Variants in ESRRB observed in about 807,000 individuals in gnomAD.
ESRRB encodes the protein steroid hormone receptor ERR2.
ESRRB carries 16 observed loss-of-function variants against 46.0 expected under a neutral mutation model. That is an observed-to-expected ratio of 0.35 (90% confidence interval 0.24 to 0.53). ESRRB has a LOEUF of 0.53. Ranked by LOEUF, ESRRB falls within the 20% of genes least tolerant of loss-of-function variation. ESRRB has a pLI of 0.93. For synonymous variants in ESRRB, 246 were observed against 259.6 expected (o/e 0.95, Z 0.50); for missense variants, 488 against 607.4 (o/e 0.80, Z 2.07).
intron 2 of ESRRB, 47 bp from the exon 3 acceptor site, chr14:76,462,498 G>A (rs1888909836): frequency 1.4e-6 from 2 of 1,460,554 alleles, no homozygotes; most frequent in Non-Finnish European, 9.6e-7. Context: ...GCAGGTGGGG[G>A]CCCTGGGCGG....
chr14:76,380,545 A>G (rs1426263488), intron 1 of ESRRB, among the ~76,000 whole-genome samples: 1 of 152,110 alleles, frequency 6.6e-6, no homozygotes, highest in Non-Finnish European at 1.5e-5. Flanking sequence ...CCCACACCAC[A>G]CCTTGACTGC....
Position 76,482,782 on chromosome 14 carries a change from G to T in ESRRB, c.850+23G>T, listed in dbSNP as rs373936212. 1 of 1,613,402 alleles carries T rather than the reference G, an allele frequency of 6.2e-7. No homozygotes were observed. Among genetic ancestry groups the T allele is most frequent in the African/African-American group, 1.3e-5 (1 of 75,012 alleles). On this transcript the variant is annotated intron_variant, in intron 5 of 6. Coordinates refer to ENST00000644823, the MANE Select transcript of ESRRB (RefSeq NM_001379180.1). The surrounding 1 kb of genome is among the most constrained non-coding windows in gnomAD (Gnocchi z 4.3). Reference sequence around the variant, plus strand: ...CAGGTGAGCATGTGGGACCAGGGGAGAGTGTGGCCAGGGACTCTCAGCCGG... The same window carrying T: ...CAGGTGAGCATGTGGGACCAGGGGATAGTGTGGCCAGGGACTCTCAGCCGG...
intron 1 of ESRRB, among the ~76,000 whole-genome samples, chr14:76,379,493 G>A (rs1481016380): frequency 6.6e-6 from 1 of 152,196 alleles, no homozygotes; most frequent in Admixed American, 6.5e-5. Context: ...AACAAAGGGG[G>A]AAATTAATTT....
chr14:76,357,904 A>G (rs1471730854), intron 1 of ESRRB, among the ~76,000 whole-genome samples: 1 of 152,200 alleles, frequency 6.6e-6, no homozygotes, highest in Non-Finnish European at 1.5e-5. Context: ...TACATAAAAT[A>G]TATGTGCAGA....
chr14:76,471,364 A>G (rs1029643667), intron 3 of ESRRB, among the ~76,000 whole-genome samples: 1 of 152,248 alleles, frequency 6.6e-6, no homozygotes, highest in Admixed American at 6.5e-5. Flanking sequence ...AGATTCTGTC[A>G]TTTTGCTTTA....
At chr14:76,336,916 C>A (rs1011879010) in intron 1 of ESRRB, among the ~76,000 whole-genome samples, 3 of 152,066 alleles carry the variant, frequency 2.0e-5, no homozygotes, top group African/African-American at 7.2e-5. Context: ...ATTAAACAGG[C>A]AAGTGCCGTA....
chr14:76,500,584 C>A lies in ESRRB; in HGVS notation c.*2126C>A. ...CCCTCAGTCTCTCACTGTGCTGTGT[C>A]CTTGCAGCGGGGCCGAGGTAGCACC... On this transcript the variant is annotated 3_prime_UTR_variant, in exon 7 of 7. Transcript: ENST00000644823. 9.5e-7 allele frequency: 1 copy of A among 1,048,322 alleles called. No individual in the cohort carries two copies. The allele number at this position is 1,048,322 out of a possible 1,614,324, so 64.9% of individuals were successfully genotyped here. A position where few individuals can be genotyped will look rare whatever the true frequency, so the allele number is the denominator to read the frequency against.
upstream of ESRRB, among the ~76,000 whole-genome samples, chr14:76,369,565 C>A (rs559296063): frequency 6.6e-6 from 1 of 152,150 alleles, no homozygotes; most frequent in Non-Finnish European, 1.5e-5. Flanking sequence ...CGAGCCACCA[C>A]GCCCGGCCTC....
intron 1 of ESRRB, among the ~76,000 whole-genome samples, chr14:76,329,573 T>A (rs145415415): frequency 2.4e-4 from 36 of 152,278 alleles, no homozygotes; most frequent in Admixed American, 9.8e-4. Context: ...TGTTTACGGC[T>A]CCGCGGTGGG....
chr14:76,329,107 A>G (rs1433613281), intron 1 of ESRRB, among the ~76,000 whole-genome samples: 1 of 152,116 alleles, frequency 6.6e-6, no homozygotes, highest in East Asian at 1.9e-4. Context: ...TTTAGGAAAA[A>G]GCAATTGGGT....
At chr14:76,433,541 C>T (rs973776295) in intron 1 of ESRRB, among the ~76,000 whole-genome samples, 20 of 152,198 alleles carry the variant, frequency 1.3e-4, no homozygotes, top group Non-Finnish European at 1.9e-4. Context: ...TCCTTCCCCA[C>T]GTCACAGCCT....
At position 76,417,944 on chromosome 14, in the gene ESRRB, CTTTTT is replaced by C. The variant is rs869242837; in HGVS notation, c.51-21377_51-21373del. ...CAGAGCCAGGTGGGGCTTTTACATA[CTTTTT>C]TTTTTTTTTTTTTTTTTTTGGTGGG... On this transcript the variant is annotated intron_variant, in intron 1 of 6. Transcript: ENST00000644823. Among the ~76,000 whole-genome samples, 10 of 91,340 alleles carry C rather than the reference CTTTTT, an allele frequency of 1.1e-4. No individual in the cohort carries two copies. In the East Asian group the frequency reaches 2.2e-3, roughly 20 times the overall value. The allele number at this position is 91,340 out of a possible 152,430, so 59.9% of individuals were successfully genotyped here.
intron 1 of ESRRB, among the ~76,000 whole-genome samples, chr14:76,388,649 C>A (rs1279959926): frequency 6.6e-6 from 1 of 152,106 alleles, no homozygotes; most frequent in Admixed American, 6.5e-5. Context: ...CCTCTCATCC[C>A]CCAGGTCAGC....
At chr14:76,494,407 A>T in intron 6 of ESRRB, among the ~76,000 whole-genome samples, 1 of 151,646 alleles carries the variant, frequency 6.6e-6, no homozygotes, top group East Asian at 1.9e-4. Flanking sequence ...CCTGGGTTCA[A>T]GCGATTCTCT....
Position 76,431,231 on chromosome 14 carries a change from G to A in ESRRB, c.51-8110G>A, listed in dbSNP as rs544207047. On this transcript the variant is annotated intron_variant, in intron 1 of 6. Transcript: ENST00000644823. Reference sequence around the variant, plus strand: ...AATCACTTAAAGCTGAGAGGTGGAGGTTGCAGTGAGCCAGATGGAGCTACT... The same window carrying A: ...AATCACTTAAAGCTGAGAGGTGGAGATTGCAGTGAGCCAGATGGAGCTACT... Among the ~76,000 whole-genome samples the A allele has an allele frequency of 6.6e-5, 10 of 152,278 alleles. No individual in the cohort carries two copies. The South Asian group carries it at 2.1e-3, about 32-fold the overall frequency.
At chr14:76,473,193 T>C (rs1889440500) in intron 3 of ESRRB, among the ~76,000 whole-genome samples, 1 of 152,232 alleles carries the variant, frequency 6.6e-6, no homozygotes, top group African/African-American at 2.4e-5. Context: ...AGATCTTGCA[T>C]GGAACTAATC....
intron 1 of ESRRB, among the ~76,000 whole-genome samples, chr14:76,419,070 G>A (rs940542329): frequency 6.6e-6 from 1 of 150,640 alleles, no homozygotes; most frequent in African/African-American, 2.4e-5. Context: ...CCTGGAGTGC[G>A]ATGGCACGAT....
At chr14:76,476,574 C>T (rs1482804264) in intron 3 of ESRRB, among the ~76,000 whole-genome samples, 2 of 152,198 alleles carry the variant, frequency 1.3e-5, no homozygotes, top group Non-Finnish European at 2.9e-5. Flanking sequence ...AAAGTAATTG[C>T]CCATTGTATC....
At chr14:76,486,514 C>A (rs573437184) in intron 5 of ESRRB, among the ~76,000 whole-genome samples, 5 of 152,222 alleles carry the variant, frequency 3.3e-5, no homozygotes, top group South Asian at 2.1e-4. Context: ...CAGAAACGAT[C>A]ATAAATTAAC....
Sources: allele counts gnomAD v4.1 joint callset (sites outside exome capture counted in the v4.1 genomes callset), GRCh38; gene constraint gnomAD v4.1.1; non-coding constraint Gnocchi (gnomAD v3.1); transcripts MANE v1.5; gene names NCBI Gene and HGNC (gene_info 2026-07-23, HGNC 2026-07-21).